ECD: variants seen among roughly 807,000 people sequenced by gnomAD.
The protein encoded by ECD is ecdysoneless cell cycle regulator.
Under a neutral mutation model 77.2 loss-of-function variants are expected in ECD, and 59 were observed. The ratio of observed to expected loss-of-function variants is 0.76; its 90% confidence interval spans 0.62 to 0.95. ECD has a LOEUF of 0.95. ECD is among the 40% of genes least tolerant of loss of function. The probability of loss-of-function intolerance (pLI) is 0.00; values close to 1 mark genes in which losing one functional copy is unlikely to be tolerated. For missense variants in ECD, 704 were observed against 763.4 expected, an observed-to-expected ratio of 0.92 and a Z score of 0.92; for synonymous variants, 233 against 267.4, an observed-to-expected ratio of 0.87 and a Z score of 1.26.
rs569051355 is a variant in ECD, at chr10:73,140,011, G to A, written c.1128-274C>T. Among the ~76,000 whole-genome samples the A allele has an allele frequency of 4.6e-4, 70 of 152,066 alleles. 1 individual carries two copies. The highest frequency in any genetic ancestry group is 1.4e-3 in the African/African-American group (59 of 41,480). On this transcript the variant is annotated intron_variant, in intron 9 of 13. Coordinates refer to ENST00000372979, the MANE Select transcript of ECD (RefSeq NM_007265.3). The stretch of plus-strand genomic sequence containing the variant: ...AATTTGTTTGTTTGTTTTTAACAGA[G>A]TTTCACTCTGTCGCCCAGGCTGGTG...
chr10:73,154,571 G>C (rs771226183), intron 5 of ECD, 123 bp from the exon 6 acceptor site: 3 of 926,132 alleles, frequency 3.2e-6, no homozygotes, highest in Non-Finnish European at 4.6e-6. Flanking sequence ...AGTGACAAGA[G>C]AGATGAAAAA....
At chr10:73,138,849 G>A (rs1249161348) in intron 11 of ECD, among the ~76,000 whole-genome samples, 2 of 152,204 alleles carry the variant, frequency 1.3e-5, no homozygotes, top group African/African-American at 4.8e-5. Flanking sequence ...ACAGGCATGA[G>A]CCACCGCGCC....
chr10:73,160,631 T>C, intron 2 of ECD, 80 bp from the exon 3 acceptor site: 1 of 1,016,964 alleles, frequency 9.8e-7, no homozygotes, highest in Non-Finnish European at 1.5e-6. Flanking sequence ...TTCAACTGAA[T>C]ACACATTCAT....
At position 73,136,846 on chromosome 10, in the gene ECD, T is replaced by C. The variant is rs1842979316; in HGVS notation, c.1562A>G (p.Asp521Gly). The C allele has an allele frequency of 4.3e-6, 7 of 1,614,038 alleles. No homozygotes were observed. Among genetic ancestry groups the C allele is most frequent in the Non-Finnish European group, 5.9e-6 (7 of 1,180,000 alleles). The change falls in exon 13 of 14, where the codon GAC (aspartate) becomes GGC (glycine). Residue 521 changes from aspartate (D) to glycine (G), a missense_variant. Physicochemically the swap from Asp to Gly is moderately conservative, Grantham distance 94 (BLOSUM62 -1). Coordinates refer to ENST00000372979, the MANE Select transcript of ECD (RefSeq NM_007265.3). ...AGGTTCGTGTGTTTCAAAGTCCAAGTCATCATCACTATCTAAACATTCAAA... is the reference window on the plus strand; with the variant it reads ...AGGTTCGTGTGTTTCAAAGTCCAAGCCATCATCACTATCTAAACATTCAAA... ...EDFECLDSDD[D>G]LDFETHEPGE...
intron 2 of ECD, 65 bp downstream of exon 2, chr10:73,163,668 A>T (rs1843409613): frequency 2.0e-6 from 3 of 1,505,780 alleles, no homozygotes; most frequent in Non-Finnish European, 9.2e-7. Flanking sequence ...GTGGACTATT[A>T]CACATCACTG....
Position 73,152,363 on chromosome 10 carries a change from C to A in ECD, c.842G>T (p.Arg281Leu). The A allele has an allele frequency of 6.2e-7, 1 of 1,613,836 alleles. No individual in the cohort carries two copies. The highest frequency in any genetic ancestry group is 8.5e-7 in the Non-Finnish European group (1 of 1,179,822). ...AGGAGGCAGCCTGTATCCACTCCGC[C>A]GGTCTGGCACAAACCTTTGTTGCAC... ...QLVQQRFVPD[R>L]RSGYRLPPPS... Residue 281 changes from arginine (R) to leucine (L), a missense_variant, in exon 7 of 14, where the codon CGG becomes CTG. Arg to Leu is a moderately radical substitution (Grantham distance 102). Transcript: ENST00000372979.
intron 3 of ECD, among the ~76,000 whole-genome samples, chr10:73,159,642 A>ATTTTTTTTTTTTTTTTTTTATTTTTTTT (rs1843348145): frequency 8.1e-6 from 1 of 123,632 alleles, no homozygotes; most frequent in African/African-American, 3.3e-5. Context: ...CAGTACTTTA[A>ATTTTTTTTTTTTTTTTTTTATTTTTTTT]TTTTTTTTTT....
chr10:73,139,259 C>T, intron 11 of ECD, 50 bp downstream of exon 11: 2 of 1,467,002 alleles, frequency 1.4e-6, no homozygotes, highest in Middle Eastern at 1.9e-4. Flanking sequence ...ACTATGACTT[C>T]AACATTTGGG....
At chr10:73,154,655 A>G (rs190416006) in intron 5 of ECD, among the ~76,000 whole-genome samples, 1 of 152,276 alleles carries the variant, frequency 6.6e-6, no homozygotes, top group African/African-American at 2.4e-5. Flanking sequence ...AAATAAAGAA[A>G]AGGGATTATT....
intron 2 of ECD, among the ~76,000 whole-genome samples, chr10:73,160,921 T>C (rs554350207): frequency 2.0e-5 from 3 of 152,302 alleles, no homozygotes; most frequent in African/African-American, 4.8e-5. Flanking sequence ...GTATAGAGTA[T>C]TCTGGGAATA....
At chr10:73,142,745 T>A (rs993117451) in intron 9 of ECD, among the ~76,000 whole-genome samples, 9 of 152,166 alleles carry the variant, frequency 5.9e-5, no homozygotes, top group African/African-American at 2.2e-4. Context: ...CTTTCTCAAG[T>A]ATACTTCGGC....
intron 8 of ECD, among the ~76,000 whole-genome samples, chr10:73,147,241 C>T (rs910922522): frequency 2.0e-5 from 3 of 148,444 alleles, no homozygotes; most frequent in Non-Finnish European, 4.4e-5. Flanking sequence ...AGACCCTATA[C>T]AACAACAATA....
chr10:73,139,006 T>C (rs1843013845), intron 11 of ECD, among the ~76,000 whole-genome samples: 1 of 152,186 alleles, frequency 6.6e-6, no homozygotes, highest in Non-Finnish European at 1.5e-5. Context: ...GGTCTGAACT[T>C]GTTGAAAGTT....
intron 7 of ECD, among the ~76,000 whole-genome samples, chr10:73,151,343 C>G (rs1843200781): frequency 7.6e-6 from 1 of 131,450 alleles, no homozygotes; most frequent in South Asian, 2.3e-4. Flanking sequence ...CACACGGACA[C>G]AGGAAGGCGA....
chr10:73,162,719 A>G lies in ECD; in HGVS notation c.205+1014T>C, dbSNP rs149649723. Among the ~76,000 whole-genome samples the G allele has an allele frequency of 1.7e-3, 259 of 152,288 alleles. 1 individual carries two copies. Among genetic ancestry groups the G allele is most frequent in the African/African-American group, 5.9e-3 (244 of 41,554 alleles). Reference sequence around the variant, plus strand: ...TAAGACCTCACATAAGTCACTGTGTAAGGAGAGACTTGGTCACCTACCCAT... The same window carrying G: ...TAAGACCTCACATAAGTCACTGTGTGAGGAGAGACTTGGTCACCTACCCAT... On this transcript the variant is annotated intron_variant, in intron 2 of 13. Coordinates refer to ENST00000372979, the MANE Select transcript of ECD (RefSeq NM_007265.3).
chr10:73,147,492 G>C (rs919874115), intron 8 of ECD, among the ~76,000 whole-genome samples: 23 of 151,910 alleles, frequency 1.5e-4, no homozygotes, highest in Non-Finnish European at 1.5e-5. Flanking sequence ...AGAGGTTGTA[G>C]TGAGCCAAGA....
intron 3 of ECD, among the ~76,000 whole-genome samples, chr10:73,157,081 G>T (rs1043739148): frequency 2.0e-5 from 3 of 150,828 alleles, no homozygotes; most frequent in African/African-American, 7.3e-5. Context: ...ACGGAGTCTC[G>T]CTCTGTCACT....
intron 3 of ECD, among the ~76,000 whole-genome samples, chr10:73,158,025 A>C (rs1210102615): frequency 6.6e-6 from 1 of 151,886 alleles, no homozygotes; most frequent in African/African-American, 2.4e-5. Context: ...GTAGTGGTGC[A>C]ATCACACTCA....
At position 73,138,069 on chromosome 10, in the gene ECD, C is replaced by T. The variant is rs34313575; in HGVS notation, c.1423G>A (p.Glu475Lys). The part of the protein sequence containing the change: ...STHKGAELPR[E>K]PSEAPITFDA... ...AAAGTGATTGGAGCCTCAGAAGGTT[C>T]TCTGCAATATTAAAGGACAAAGACA... Residue 475 changes from glutamate to lysine, a missense_variant and splice_region_variant, in exon 12 of 14, where the codon GAA becomes AAA. This residue lies in a region of ECD where 559 missense variants were observed against 583.7 expected (regional missense o/e 0.96). Coordinates refer to ENST00000372979, the MANE Select transcript of ECD (RefSeq NM_007265.3). 9.1e-5 allele frequency: 144 copies of T among 1,586,856 alleles called. 2 individuals are homozygous for T. The African/African-American group carries it at 1.4e-3, about 16-fold the overall frequency.
Sources: gnomAD v4.1 joint callset for allele counts (sites outside exome capture counted in the v4.1 genomes callset) on GRCh38, gnomAD v4.1.1 for gene constraint, gnomAD v4.1.1 regional missense constraint, MANE v1.5 for transcripts, NCBI Gene and HGNC (gene_info 2026-07-23, HGNC 2026-07-21) for gene names.